Variants in GPR143 observed in about 807,000 individuals in gnomAD.
The protein encoded by GPR143 is G protein-coupled receptor 143.
Under a neutral mutation model 27.6 loss-of-function variants are expected in GPR143, and 8 were observed. The ratio of observed to expected loss-of-function variants is 0.29; its 90% CI spans 0.17 to 0.52. The LOEUF is 0.52. Ranked by LOEUF, GPR143 falls within the 20% of genes least tolerant of loss-of-function variation. The probability of loss-of-function intolerance (pLI) is 0.96; values close to 1 mark genes in which losing one functional copy is unlikely to be tolerated. For missense variants in GPR143, 303 were observed against 343.1 expected (o/e 0.88, Z 0.92); for synonymous variants, 156 against 153.2 (o/e 1.02, Z -0.13).
At chrX:9,758,095 A>G (rs1364125219) in intron 3 of GPR143, among the ~76,000 whole-genome samples, 3 of 111,315 alleles carry the variant, frequency 2.7e-5, no homozygotes, top group African/African-American at 9.8e-5. Context: ...AAACCAGAAC[A>G]AAAAACAGGC....
At chrX:9,768,635 G>A (rs2083543181), upstream of GPR143, among the ~76,000 whole-genome samples, 1 of 111,019 alleles carries the variant, frequency 9.0e-6, no homozygotes, top group Admixed American at 9.6e-5. Flanking sequence ...AGCTGTGATT[G>A]CACCACCAAA....
In GPR143 at chrX:9,746,096, C is replaced by A; in HGVS notation, c.606G>T (p.Leu202=). 1 of 1,205,802 alleles carries A rather than the reference C, an allele frequency of 8.3e-7. No homozygotes were observed. The highest frequency in any genetic ancestry group is 1.1e-6 in the Non-Finnish European group (1 of 889,973). The change falls in exon 5 of 9, where the codon CTG becomes CTT. Residue 202 remains leucine (L), a synonymous_variant. Transcript: ENST00000467482. Reference sequence around the variant, plus strand: ...TGGGGTTCGCCACGAGAACCAGCAGCAGGGGCAGGTACATGGTGACATAGT... The same window carrying A: ...TGGGGTTCGCCACGAGAACCAGCAGAAGGGGCAGGTACATGGTGACATAGT... ...IPHYVTMYLP[L]LLVLVANPIL... is the part of the protein sequence containing the mutation.
intron 3 of GPR143, among the ~76,000 whole-genome samples, chrX:9,753,580 G>T (rs903822835): frequency 9.0e-6 from 1 of 110,913 alleles, no homozygotes; most frequent in Non-Finnish European, 1.9e-5. Context: ...GCATGGAAGC[G>T]AATCCAGGTG....
At chrX:9,745,502 G>A (rs1601878576) in intron 5 of GPR143, among the ~76,000 whole-genome samples, 1 of 111,872 alleles carries the variant, frequency 8.9e-6, no homozygotes, top group African/African-American at 3.2e-5. Flanking sequence ...AGTAGGGGCT[G>A]GACTGCAGGT....
At chrX:9,742,958 T>C (rs1417802489) in intron 6 of GPR143, among the ~76,000 whole-genome samples, 2 of 110,676 alleles carry the variant, frequency 1.8e-5, no homozygotes, top group Non-Finnish European at 3.8e-5. Context: ...AATACAAAAA[T>C]GAGCTGAGTG....
chrX:9,743,582 C>A lies in GPR143; in HGVS notation c.750G>T (p.Met250Ile), dbSNP rs781094686. 2 of 1,144,891 alleles carry A rather than the reference C, an allele frequency of 1.7e-6. No homozygotes were observed. The highest frequency in any genetic ancestry group is 1.8e-5 in the South Asian group (1 of 55,483). The allele number at this position is 1,144,891 out of a possible 1,213,427, so 94.4% of individuals were successfully genotyped here. A position where few individuals can be genotyped will look rare whatever the true frequency, so the allele number is the denominator to read the frequency against. ...AAGGTTACCAAATAATTAAAACCAG[C>A]ATGATTTTGAAAAATCGGATCTTGA... ...AVIKIRFFKIMLVLIICWLSN... is the reference protein window; with the variant it reads ...AVIKIRFFKIILVLIICWLSN... The change falls in exon 6 of 9, where the codon ATG (methionine) becomes ATT (isoleucine). Residue 250 changes from methionine (M) to isoleucine (I), a missense_variant. Met to Ile is a conservative substitution (Grantham distance 10). Coordinates refer to ENST00000467482, the MANE Select transcript of GPR143 (RefSeq NM_000273.3).
At chrX:9,773,768 G>A (rs756400421) in intron 1 of GPR143, among the ~76,000 whole-genome samples, 1 of 109,520 alleles carries the variant, frequency 9.1e-6, no homozygotes, top group Non-Finnish European at 1.9e-5. Flanking sequence ...GGAGGCTAAG[G>A]TGGGAGGATC....
intron 4 of GPR143, among the ~76,000 whole-genome samples, chrX:9,747,035 A>G (rs1375676788): frequency 9.5e-6 from 1 of 105,730 alleles, no homozygotes; most frequent in Non-Finnish European, 1.9e-5. Context: ...AAAAAAAAAA[A>G]AAATCAGGTG....
chrX:9,750,808 C>T (rs1329946034), intron 3 of GPR143, among the ~76,000 whole-genome samples: 2 of 111,613 alleles, frequency 1.8e-5, no homozygotes, highest in Non-Finnish European at 3.8e-5. Flanking sequence ...AGTCATCCAC[C>T]TGCCTTGGCC....
chrX:9,756,286 C>A (rs1002594844), intron 3 of GPR143, among the ~76,000 whole-genome samples: 75 of 111,836 alleles, frequency 6.7e-4, no homozygotes, highest in Non-Finnish European at 2.4e-4. Flanking sequence ...GCATTCAAAC[C>A]ATAAGAAAAC....
At chrX:9,732,478 A>G (rs10521604) in intron 8 of GPR143, among the ~76,000 whole-genome samples, 11,453 of 111,242 alleles carry the variant, frequency 0.1, 866 homozygotes, top group East Asian at 0.56. Flanking sequence ...ATTATGGTGC[A>G]GAATTAGTTG....
intron 7 of GPR143, 34 bp from the exon 8 acceptor site, chrX:9,739,753 G>A (rs767931116): frequency 1.1e-6 from 1 of 929,621 alleles, no homozygotes; most frequent in South Asian, 2.1e-5. Flanking sequence ...ATGGCAGTCA[G>A]TGCAGCGTAG....
At chrX:9,773,600 T>C (rs4830415) in intron 1 of GPR143, among the ~76,000 whole-genome samples, 20,532 of 110,200 alleles carry the variant, frequency 0.19, 1,562 homozygotes, top group African/African-American at 0.27. Flanking sequence ...TGCCCTGGAG[T>C]GGTGCTTCAC....
chrX:9,759,950 C>G (rs2083488814), intron 2 of GPR143, among the ~76,000 whole-genome samples: 5 of 112,421 alleles, frequency 4.4e-5, no homozygotes, highest in South Asian at 7.6e-4. Context: ...GGGCAATCAA[C>G]ACAGCATCAG....
Position 9,725,374 on chromosome X carries a change from C to T in GPR143, c.*372G>A, listed in dbSNP as rs889547301. On this transcript the variant is annotated 3_prime_UTR_variant, in exon 9 of 9. Coordinates refer to ENST00000467482, the MANE Select transcript of GPR143 (RefSeq NM_000273.3). ...CTGTACATGTATTTATTTTCTTTTG[C>T]TAGAAGTGTTAAGACAGAATCCAAG... 1.6e-4 allele frequency: 27 copies of T among 172,931 alleles called. No individual in the cohort carries two copies. The highest frequency in any genetic ancestry group is 1.5e-3 in the Admixed American group (21 of 13,731). The allele number at this position is 172,931 out of a possible 1,213,427, so 14.3% of individuals were successfully genotyped here.
At chrX:9,744,204 G>A (rs2083417663) in intron 5 of GPR143, among the ~76,000 whole-genome samples, 1 of 110,321 alleles carries the variant, frequency 9.1e-6, no homozygotes, top group Admixed American at 9.7e-5. Context: ...AGGCATGGTG[G>A]TGCACGTCTG....
At chrX:9,738,381 T>C in intron 8 of GPR143, 1 of 737,969 alleles carries the variant, frequency 1.4e-6, no homozygotes, top group Non-Finnish European at 1.6e-6. Flanking sequence ...CAGTTCCAGC[T>C]GGTGGGTCCC....
rs150226940 is a variant in GPR143, at chrX:9,753,826, A to C, written c.456-5160T>G. On this transcript the variant is annotated intron_variant, in intron 3 of 8. Transcript: ENST00000467482. ...ACCTGGGAAGGCTGTCTCTGCAGAA[A>C]CAGCAGCTACTACATGCTTCCCGAG... Among the ~76,000 whole-genome samples the C allele has an allele frequency of 6.2e-3, 696 of 112,021 alleles. 3 individuals carry two copies. The highest frequency in any genetic ancestry group is 0.021 in the African/African-American group (660 of 30,871).
At chrX:9,766,570 A>G (rs1007391180), upstream of GPR143, among the ~76,000 whole-genome samples, 5 of 111,698 alleles carry the variant, frequency 4.5e-5, no homozygotes, top group Admixed American at 4.8e-4. Flanking sequence ...TATTAAAAAT[A>G]CAAACATTAG....
Sources: gnomAD v4.1 joint callset for allele counts (sites outside exome capture counted in the v4.1 genomes callset) on GRCh38, gnomAD v4.1.1 for gene constraint, MANE v1.5 for transcripts, NCBI Gene and HGNC (gene_info 2026-07-23, HGNC 2026-07-21) for gene names.